The following TMEM209 variants were observed in gnomAD, a reference collection of about 807,000 sequenced individuals.
TMEM209 encodes transmembrane protein 209.
Under a neutral mutation model 76.2 loss-of-function variants are expected in TMEM209, and 65 were observed. The observed-to-expected ratio is 0.85, with a 90% CI of 0.70 to 1.05. The LOEUF is 1.05. TMEM209 is among the 50% of genes least tolerant of loss of function. The probability of loss-of-function intolerance (pLI) is 0.00; values close to 1 mark genes in which losing one functional copy is unlikely to be tolerated. For missense variants in TMEM209, 623 were observed against 685.5 expected, an observed-to-expected ratio of 0.91 and a Z score of 1.02; for synonymous variants, 239 against 237.6, an observed-to-expected ratio of 1.01 and a Z score of -0.06.
At chr7:130,205,083 C>G in intron 1 of TMEM209, 2 of 1,397,388 alleles carry the variant, frequency 1.4e-6, no homozygotes, top group East Asian at 2.6e-5. Flanking sequence ...TCTTACAGAC[C>G]GTGCAAAACT....
Position 130,204,042 on chromosome 7 carries a change from C to G in TMEM209, c.72G>C (p.Glu24Asp). The G allele has an allele frequency of 6.2e-7, 1 of 1,613,480 alleles. No homozygotes were observed. The highest frequency in any genetic ancestry group is 8.5e-7 in the Non-Finnish European group (1 of 1,179,678). The change falls in exon 2 of 15, where the codon GAG becomes GAC. Residue 24 changes from glutamate to aspartate, a missense_variant. By Grantham distance (45) the Glu-to-Asp change is conservative. Transcript: ENST00000397622. ...CCCAGGCTAAGACCACTTTCCTAGC[C>G]TCTGTTTCTTTTCTCATCTTGATGG... ...DRTIKMRKET[E>D]ARKVVLAWGL...
rs577354076 is a variant in TMEM209 at position 130,166,301 on chromosome 7, A to C, written c.*150T>G. 2.0e-6 allele frequency: 1 copy of C among 501,636 alleles called. No homozygotes were observed. The highest frequency in any genetic ancestry group is 2.0e-5 in the African/African-American group (1 of 50,192). 31.1% of individuals were successfully genotyped at this position (501,636 alleles called of 1,614,324 possible). A position where few individuals can be genotyped will look rare whatever the true frequency, so the allele number is the denominator to read the frequency against. ...GGACATATTTTTACAATTACATTTC[A>C]TAACAGCTACATTTTCTGTTAAATC... is the stretch of plus-strand genomic sequence containing the variant. On this transcript the variant is annotated 3_prime_UTR_variant, in exon 15 of 15. Transcript: ENST00000397622.
rs1416680521 is a variant in TMEM209 at position 130,170,387 on chromosome 7, C to T, written c.1631+13G>A. ...TAAATAACTACTTACGTTTTTAAAG[C>T]ATAAGTACCTACCCAAGCATTCCTG... On this transcript the variant is annotated intron_variant, in intron 14 of 14. Transcript: ENST00000397622. 1.2e-6 allele frequency: 2 copies of T among 1,603,694 alleles called. No individual in the cohort carries two copies. Among genetic ancestry groups the T allele is most frequent in the Admixed American group, 1.7e-5 (1 of 58,666 alleles).
chr7:130,186,756 G>C (rs1356370276), intron 6 of TMEM209, among the ~76,000 whole-genome samples: 1 of 151,594 alleles, frequency 6.6e-6, no homozygotes, highest in Non-Finnish European at 1.5e-5. Context: ...GACAAAATAG[G>C]GCCTTTCCAT....
At chr7:130,175,362 G>A (rs1797198857) in intron 11 of TMEM209, 150 bp downstream of exon 11, 2 of 637,208 alleles carry the variant, frequency 3.1e-6, no homozygotes, top group Non-Finnish European at 5.1e-6. Flanking sequence ...TTGGGAGGCT[G>A]AGCTGGGAGG....
intron 6 of TMEM209, among the ~76,000 whole-genome samples, chr7:130,189,921 G>A (rs1445083787): frequency 6.6e-6 from 1 of 152,142 alleles, no homozygotes; most frequent in African/African-American, 2.4e-5. Context: ...GGCTCTTAGA[G>A]AAACAGACTG....
chr7:130,199,840 ACAGT>A (rs1207459165), intron 5 of TMEM209: 1 of 152,200 alleles, frequency 6.6e-6, no homozygotes, highest in African/African-American at 2.4e-5. Flanking sequence ...AACTCTTCTA[ACAGT>A]CAGTCCACAA....
chr7:130,202,221 G>A (rs1798235278), intron 4 of TMEM209, 130 bp from the exon 5 acceptor site: 21 of 1,244,622 alleles, frequency 1.7e-5, no homozygotes, highest in Non-Finnish European at 2.3e-5. Flanking sequence ...TTAAATCACA[G>A]AATGTATTAT....
Position 130,192,649 on chromosome 7 carries a change from C to G in TMEM209, c.748G>C (p.Glu250Gln), listed in dbSNP as rs777152443. The change falls in exon 6 of 15, where the codon GAG (glutamate) becomes CAG (glutamine). Residue 250 changes from glutamate to glutamine, a missense_variant. By Grantham distance (29) the Glu-to-Gln change is conservative. Transcript: ENST00000397622. ...RTLDTFLRSE[E>Q]EKQHRVKLGS... ...AGCTTAACCCTATGCTGTTTCTCCT[C>G]TTCACTTCTGAGAAAAGTATCCAAA... The G allele has an allele frequency of 6.2e-7, 1 of 1,613,596 alleles. No homozygotes were observed. The highest frequency in any genetic ancestry group is 8.5e-7 in the Non-Finnish European group (1 of 1,179,746).
At chr7:130,191,449 T>A (rs1797792791) in intron 6 of TMEM209, among the ~76,000 whole-genome samples, 1 of 151,960 alleles carries the variant, frequency 6.6e-6, no homozygotes, top group South Asian at 2.1e-4. Context: ...CATCAAGAAG[T>A]GTGACAGTGA....
At chr7:130,166,577 A>G (rs1286029996) in intron 14 of TMEM209, 72 bp from the exon 15 acceptor site, 4 of 902,070 alleles carry the variant, frequency 4.4e-6, no homozygotes, top group Non-Finnish European at 6.5e-6. Flanking sequence ...ATAACAAAAA[A>G]CTTTATGAAT....
At chr7:130,184,826 A>G (rs1178198917) in intron 7 of TMEM209, among the ~76,000 whole-genome samples, 1 of 152,254 alleles carries the variant, frequency 6.6e-6, no homozygotes, top group African/African-American at 2.4e-5. Flanking sequence ...TAAAAATTCC[A>G]TATTTGGTAT....
chr7:130,199,520 G>A (rs116609087), intron 5 of TMEM209, among the ~76,000 whole-genome samples: 1,819 of 152,040 alleles, frequency 0.012, 14 homozygotes, highest in African/African-American at 0.027. Flanking sequence ...GCGCCCAGCC[G>A]TCACCTTTAC....
chr7:130,193,432 G>C (rs1797864475), intron 5 of TMEM209, among the ~76,000 whole-genome samples: 1 of 152,008 alleles, frequency 6.6e-6, no homozygotes, highest in African/African-American at 2.4e-5. Flanking sequence ...CAGCTACTCG[G>C]GAGGCTGAGG....
intron 8 of TMEM209, 85 bp downstream of exon 8, chr7:130,184,099 T>C (rs1797513622): frequency 1.1e-6 from 1 of 902,170 alleles, no homozygotes. Context: ...TTCTAATTTA[T>C]AATGAACTCT....
At chr7:130,169,004 G>A (rs756732165) in intron 14 of TMEM209, among the ~76,000 whole-genome samples, 1 of 151,776 alleles carries the variant, frequency 6.6e-6, no homozygotes, top group African/African-American at 2.4e-5. Context: ...TTGGGAGGCC[G>A]GGCAGGCGGA....
At chr7:130,177,571 T>C (rs968760056) in intron 10 of TMEM209, among the ~76,000 whole-genome samples, 1 of 151,956 alleles carries the variant, frequency 6.6e-6, no homozygotes, top group Non-Finnish European at 1.5e-5. Flanking sequence ...CTTTTAGTGA[T>C]ATACAAAGAA....
rs555539005 is a variant in TMEM209, at chr7:130,194,859, G to A, written c.574-2036C>T. ...TCTATTGGGGTCTTATTATCACTTC[G>A]TATTAGTTTGCAATAAGTTAAAGAT... On this transcript the variant is annotated intron_variant, in intron 5 of 14. Coordinates refer to ENST00000397622, the MANE Select transcript of TMEM209 (RefSeq NM_032842.4). 3.0e-4 allele frequency among the ~76,000 whole-genome samples: 46 copies of A among 152,026 alleles called. No individual in the cohort carries two copies. The East Asian group carries it at 5.4e-3, about 18-fold the overall frequency.
Position 130,170,478 on chromosome 7 carries a change from A to G in TMEM209, c.1558-5T>C. The G allele has an allele frequency of 6.2e-7, 1 of 1,609,138 alleles. No individual in the cohort carries two copies. The highest frequency in any genetic ancestry group is 8.5e-7 in the Non-Finnish European group (1 of 1,178,036). The stretch of plus-strand genomic sequence containing the variant: ...ATGAAACATATTATTTCTGCCCTGG[A>G]ACAAAGACAAAAAAGACAAGATTTA... On this transcript the variant is annotated splice_region_variant and splice_polypyrimidine_tract_variant and intron_variant, in intron 13 of 14. Transcript: ENST00000397622.
Sources: gnomAD v4.1 joint callset for allele counts (sites outside exome capture counted in the v4.1 genomes callset) on GRCh38, gnomAD v4.1.1 for gene constraint, MANE v1.5 for transcripts, NCBI Gene and HGNC (gene_info 2026-07-23, HGNC 2026-07-21) for gene names.